The following SYT9 variants were observed in gnomAD, a reference collection of about 807,000 sequenced individuals.
The protein encoded by SYT9 is synaptotagmin 9.
Under a neutral mutation model 48.4 loss-of-function variants are expected in SYT9, and 22 were observed. The ratio of observed to expected loss-of-function variants is 0.45; its 90% CI spans 0.32 to 0.65. The LOEUF (loss-of-function observed/expected upper bound fraction) is 0.65, where lower values mean the gene tolerates loss of function less well. SYT9 is among the 30% of genes least tolerant of loss of function. The pLI, the probability that SYT9 is intolerant of heterozygous loss-of-function variation, is 0.03. For synonymous variants in SYT9, 265 were observed against 245.0 expected (o/e 1.08, Z -0.76); for missense variants, 577 against 622.0 (o/e 0.93, Z 0.77).
intron 3 of SYT9, among the ~76,000 whole-genome samples, chr11:7,371,308 CATGAAAT>C (rs1489572769): frequency 6.8e-5 from 3 of 43,844 alleles, no homozygotes; most frequent in African/African-American, 2.0e-4. Context: ...ATCTTTACAA[CATGAAAT>C]GTTTCCTTCC....
intron 3 of SYT9, among the ~76,000 whole-genome samples, chr11:7,406,682 C>A (rs1042109079): frequency 6.6e-6 from 1 of 151,816 alleles, no homozygotes; most frequent in Admixed American, 6.6e-5. Context: ...CTCTGATACA[C>A]GGATTTCCTT....
At chr11:7,442,236 G>T (rs1049877949) in intron 6 of SYT9, among the ~76,000 whole-genome samples, 14 of 152,158 alleles carry the variant, frequency 9.2e-5, no homozygotes, top group Non-Finnish European at 1.8e-4. Flanking sequence ...TTCCTCTACA[G>T]ACCCAACGCT....
rs553265945 is a variant in SYT9 at position 7,453,833 on chromosome 11, G to A, written c.1468-12959G>A. Reference sequence around the variant, plus strand: ...AGGTGTGGCCAGGACCATGAGCAACGAGAGGTAGAGTTGTAGGAGAGGAGG... The same window carrying A: ...AGGTGTGGCCAGGACCATGAGCAACAAGAGGTAGAGTTGTAGGAGAGGAGG... On this transcript the variant is annotated intron_variant, in intron 6 of 6. Transcript: ENST00000318881. Among the ~76,000 whole-genome samples the A allele has an allele frequency of 8.5e-5, 13 of 152,316 alleles. No homozygotes were observed. The South Asian group carries it at 2.5e-3, about 29-fold the overall frequency.
chr11:7,280,729 A>G (rs1365311592), intron 1 of SYT9, among the ~76,000 whole-genome samples: 1 of 151,198 alleles, frequency 6.6e-6, no homozygotes, highest in African/African-American at 2.5e-5. Context: ...TGGTATTTCC[A>G]GGTGGAGAAG....
At chr11:7,416,304 T>C in intron 4 of SYT9, 142 bp downstream of exon 4, 1 of 943,926 alleles carries the variant, frequency 1.1e-6, no homozygotes, top group Non-Finnish European at 1.6e-6. Context: ...CTGTGTGACC[T>C]TGGGCAAGTC....
intron 5 of SYT9, among the ~76,000 whole-genome samples, 159 bp from the exon 6 acceptor site, chr11:7,420,347 C>T (rs79018913): frequency 0.019 from 2,967 of 152,178 alleles, 88 homozygotes; most frequent in African/African-American, 0.066. Context: ...TCCTATTGGC[C>T]GTGAAGCTTA....
chr11:7,341,035 G>A (rs2133989736), intron 3 of SYT9, among the ~76,000 whole-genome samples: 1 of 152,352 alleles, frequency 6.6e-6, no homozygotes, highest in Non-Finnish European at 1.5e-5. Flanking sequence ...ACCTCTGGGA[G>A]CTCTGTCTCA....
chr11:7,452,012 GA>G (rs139654491), intron 6 of SYT9, among the ~76,000 whole-genome samples: 12,013 of 151,962 alleles, frequency 0.079, 734 homozygotes, highest in Non-Finnish European at 0.13. Context: ...CAAAAGCAGA[GA>G]AAAAATACAC....
intron 1 of SYT9, among the ~76,000 whole-genome samples, chr11:7,302,744 T>C (rs1848945961): frequency 6.6e-6 from 1 of 152,244 alleles, no homozygotes; most frequent in Admixed American, 6.5e-5. Context: ...AAGGGCATTC[T>C]AGTCCCCATG....
intron 3 of SYT9, among the ~76,000 whole-genome samples, chr11:7,402,396 G>A (rs573823164): frequency 2.0e-4 from 31 of 151,938 alleles, no homozygotes; most frequent in South Asian, 4.2e-4. Context: ...TTCTCTTTTC[G>A]TATGTTCAGT....
At chr11:7,411,388 G>C (rs1034013433) in intron 3 of SYT9, among the ~76,000 whole-genome samples, 2 of 151,934 alleles carry the variant, frequency 1.3e-5, no homozygotes, top group Non-Finnish European at 2.9e-5. Context: ...TTTTTATTCC[G>C]GGTTTAGGAC....
At chr11:7,377,151 A>G (rs1850469300) in intron 3 of SYT9, among the ~76,000 whole-genome samples, 1 of 151,112 alleles carries the variant, frequency 6.6e-6, no homozygotes, top group East Asian at 1.9e-4. Context: ...GACTACTGCT[A>G]TTCATCCATT....
At chr11:7,453,047 G>T (rs574515706) in intron 6 of SYT9, among the ~76,000 whole-genome samples, 73 of 152,028 alleles carry the variant, frequency 4.8e-4, no homozygotes, top group African/African-American at 1.7e-3. Context: ...CTCCCAAAGT[G>T]CTGGGATTAC....
At chr11:7,392,442 A>G (rs972696453) in intron 3 of SYT9, among the ~76,000 whole-genome samples, 2 of 152,014 alleles carry the variant, frequency 1.3e-5, no homozygotes, top group Non-Finnish European at 2.9e-5. Flanking sequence ...CTGGTTCTCT[A>G]ATCTGTTGCA....
intron 1 of SYT9, among the ~76,000 whole-genome samples, chr11:7,245,716 C>T (rs576468816): frequency 6.6e-6 from 1 of 152,144 alleles, no homozygotes; most frequent in Non-Finnish European, 1.5e-5. Context: ...GGTGGAAGGG[C>T]AAAGAGACAA....
intron 3 of SYT9, among the ~76,000 whole-genome samples, chr11:7,321,896 T>G (rs1430729003): frequency 6.6e-6 from 1 of 152,164 alleles, no homozygotes; most frequent in Non-Finnish European, 1.5e-5. Context: ...GTCATGGTGC[T>G]GGTAGGAGTG....
exon 1 of SYT9, chr11:7,238,811 C>T (rs1847711384): frequency 2.2e-6 from 1 of 455,380 alleles, no homozygotes; most frequent in Non-Finnish European, 4.4e-6. Context: ...GATCCTCCTG[C>T]CTGAGACTTC....
In SYT9 at chr11:7,304,382, G is replaced by A. The variant is rs151068693; in HGVS notation, c.497+992G>A. 1.1e-4 allele frequency among the ~76,000 whole-genome samples: 16 copies of A among 152,364 alleles called. No homozygotes were observed. In the East Asian group the frequency reaches 2.9e-3, roughly 28 times the overall value. ...AAGATATTTCAGGAAAAGAGACTCAGGAAGCAGCTTTCTTTAGAATGAAAA... is the reference window on the plus strand; with the variant it reads ...AAGATATTTCAGGAAAAGAGACTCAAGAAGCAGCTTTCTTTAGAATGAAAA... On this transcript the variant is annotated intron_variant, in intron 2 of 6. Transcript: ENST00000318881.
intron 6 of SYT9, among the ~76,000 whole-genome samples, chr11:7,425,660 C>T (rs115077893): frequency 0.026 from 3,999 of 152,298 alleles, 192 homozygotes; most frequent in African/African-American, 0.091. Context: ...ACCTGAATTC[C>T]AGACCCCTGT....
Sources: gnomAD v4.1 joint callset for allele counts (sites outside exome capture counted in the v4.1 genomes callset) on GRCh38, gnomAD v4.1.1 for gene constraint, MANE v1.5 for transcripts, NCBI Gene and HGNC (gene_info 2026-07-23, HGNC 2026-07-21) for gene names.